Variants in CACNA2D3 observed in about 807,000 individuals in gnomAD.
CACNA2D3 encodes voltage-dependent calcium channel subunit alpha-2/delta-3.
Under a neutral mutation model 160.6 loss-of-function variants are expected in CACNA2D3, and 60 were observed. The ratio of observed to expected loss-of-function variants is 0.37; its 90% CI spans 0.30 to 0.46. The LOEUF (loss-of-function observed/expected upper bound fraction) is 0.46, where lower values mean the gene tolerates loss of function less well. Among genes scored for constraint, CACNA2D3 ranks in the 20% least tolerant of loss-of-function variants. The pLI is 1.00. For missense variants in CACNA2D3, 1,205 were observed against 1,365.0 expected (o/e 0.88, Z 1.85); for synonymous variants, 558 against 492.9 (o/e 1.13, Z -1.75).
At chr3:54,516,171 A>T (rs1701547815) in intron 5 of CACNA2D3, among the ~76,000 whole-genome samples, 1 of 152,198 alleles carries the variant, frequency 6.6e-6, no homozygotes, top group Admixed American at 6.5e-5. Context: ...GCCCTCTCTC[A>T]GGGATGTTCT....
intron 3 of CACNA2D3, among the ~76,000 whole-genome samples, chr3:54,345,187 A>G (rs1698434252): frequency 6.6e-6 from 1 of 152,156 alleles, no homozygotes; most frequent in Non-Finnish European, 1.5e-5. Context: ...GTAGTAATAA[A>G]CTTGCTTTCA....
At chr3:54,826,005 G>T (rs1703741221) in intron 14 of CACNA2D3, among the ~76,000 whole-genome samples, 2 of 152,022 alleles carry the variant, frequency 1.3e-5, no homozygotes, top group African/African-American at 2.4e-5. Flanking sequence ...AAATTTTTTT[G>T]ATACAATACA....
At chr3:54,903,161 A>C (rs1575542517) in intron 27 of CACNA2D3, among the ~76,000 whole-genome samples, 1 of 152,266 alleles carries the variant, frequency 6.6e-6, no homozygotes, top group East Asian at 1.9e-4. Context: ...ACAGGTATTA[A>C]GCCTGGTACC....
In CACNA2D3 at chr3:54,410,363, A is replaced by T. The variant is rs888164165; in HGVS notation, c.381+23589A>T. On this transcript the variant is annotated intron_variant, in intron 4 of 37. Coordinates refer to ENST00000474759, the MANE Select transcript of CACNA2D3 (RefSeq NM_018398.3). Reference sequence around the variant, plus strand: ...AGCAAGGCTCTGTCCCAGGAAAAAGAAAAAAAAAAGAGAGAGGAGAATTCA... The same window carrying T: ...AGCAAGGCTCTGTCCCAGGAAAAAGTAAAAAAAAAGAGAGAGGAGAATTCA... Among the ~76,000 whole-genome samples, 6 of 149,602 alleles carry T rather than the reference A, an allele frequency of 4.0e-5. 1 individual carries two copies. The highest frequency in any genetic ancestry group is 2.7e-4 in the Admixed American group (4 of 15,012).
intron 29 of CACNA2D3, among the ~76,000 whole-genome samples, chr3:54,976,651 T>A (rs1702398298): frequency 6.6e-6 from 1 of 152,202 alleles, no homozygotes; most frequent in East Asian, 1.9e-4. Context: ...TTAGTGACAG[T>A]CATGTTTTAT....
intron 21 of CACNA2D3, among the ~76,000 whole-genome samples, chr3:54,882,460 T>C (rs553045198): frequency 6.6e-6 from 1 of 152,318 alleles, no homozygotes; most frequent in South Asian, 2.1e-4. Context: ...TTTTGGATTC[T>C]TTTTCAGTCA....
In CACNA2D3 at chr3:54,303,818, G is replaced by GTTTTTTT. The variant is rs71617795; in HGVS notation, c.205-16610_205-16604dup. On this transcript the variant is annotated intron_variant, in intron 2 of 37. Coordinates refer to ENST00000474759, the MANE Select transcript of CACNA2D3 (RefSeq NM_018398.3). ...CAGCCTCATCAGTGACTTTTTTTCTGTTTTTTTTTTTTTTTTTTTTCTATT... is the reference window on the plus strand; with the variant it reads ...CAGCCTCATCAGTGACTTTTTTTCTGTTTTTTTTTTTTTTTTTTTTTTTTTTTCTATT... 4.4e-4 allele frequency among the ~76,000 whole-genome samples: 51 copies of GTTTTTTT among 115,004 alleles called. 1 individual carries two copies. Among genetic ancestry groups the GTTTTTTT allele is most frequent in the African/African-American group, 1.4e-3 (42 of 29,544 alleles). The allele number at this position is 115,004 out of a possible 152,430, so 75.4% of individuals were successfully genotyped here.
At chr3:54,468,623 T>A (rs938046183) in intron 4 of CACNA2D3, among the ~76,000 whole-genome samples, 1 of 152,066 alleles carries the variant, frequency 6.6e-6, no homozygotes, top group Non-Finnish European at 1.5e-5. Flanking sequence ...GGGAGCCAAG[T>A]GGTCTAGCTC....
At chr3:54,997,631 C>T (rs1702888023) in intron 31 of CACNA2D3, among the ~76,000 whole-genome samples, 1 of 149,334 alleles carries the variant, frequency 6.7e-6, no homozygotes, top group Non-Finnish European at 1.5e-5. Flanking sequence ...GAGGCTGAGG[C>T]AGGAGGATCG....
At chr3:54,573,250 T>C (rs1452749126) in intron 8 of CACNA2D3, among the ~76,000 whole-genome samples, 1 of 152,236 alleles carries the variant, frequency 6.6e-6, no homozygotes, top group Non-Finnish European at 1.5e-5. Flanking sequence ...ACTTTGTTCC[T>C]CTAATGGATA....
intron 28 of CACNA2D3, among the ~76,000 whole-genome samples, chr3:54,969,199 G>C (rs1702218746): frequency 6.7e-6 from 1 of 149,968 alleles, no homozygotes; most frequent in African/African-American, 2.5e-5. Context: ...TGTATTTTTA[G>C]TTACCAAAAG....
intron 4 of CACNA2D3, among the ~76,000 whole-genome samples, chr3:54,434,480 G>C (rs1474735892): frequency 6.6e-6 from 1 of 152,246 alleles, no homozygotes; most frequent in African/African-American, 2.4e-5. Context: ...GCATCAGTGA[G>C]ACTCATCAAG....
rs9819670 is a variant in CACNA2D3, at chr3:54,146,766, C to T, written c.204+23172C>T. On this transcript the variant is annotated intron_variant, in intron 2 of 37. Transcript: ENST00000474759. Reference sequence around the variant, plus strand: ...TCTGCGGGGTGTCACCGTTAGGGCCCCTCCATCCCCGTTGGCTCCTGGGCC... The same window carrying T: ...TCTGCGGGGTGTCACCGTTAGGGCCTCTCCATCCCCGTTGGCTCCTGGGCC... Among the ~76,000 whole-genome samples, 1,394 of 152,316 alleles carry T rather than the reference C, an allele frequency of 9.2e-3. 24 individuals are homozygous for T. Among genetic ancestry groups the T allele is most frequent in the African/African-American group, 0.031 (1,307 of 41,576 alleles).
intron 13 of CACNA2D3, among the ~76,000 whole-genome samples, chr3:54,782,384 T>G (rs1421631810): frequency 6.6e-6 from 1 of 152,184 alleles, no homozygotes; most frequent in Non-Finnish European, 1.5e-5. Context: ...AAACATAATA[T>G]TGTTTAGCAC....
intron 2 of CACNA2D3, among the ~76,000 whole-genome samples, chr3:54,176,487 C>G (rs982419921): frequency 6.6e-6 from 1 of 152,136 alleles, no homozygotes; most frequent in Admixed American, 6.5e-5. Context: ...CCAATTTGTG[C>G]ATTTTATAAT....
chr3:54,372,804 C>T (rs1050650876), intron 3 of CACNA2D3, among the ~76,000 whole-genome samples: 1 of 152,178 alleles, frequency 6.6e-6, no homozygotes, highest in African/African-American at 2.4e-5. Flanking sequence ...ACGGGAGAGC[C>T]AGCTTATCCT....
At chr3:54,354,847 C>G (rs114507393) in intron 3 of CACNA2D3, among the ~76,000 whole-genome samples, 1 of 152,148 alleles carries the variant, frequency 6.6e-6, no homozygotes, top group Non-Finnish European at 1.5e-5. Context: ...TGTAAGCCAA[C>G]GACTGCAGCT....
chr3:54,962,972 T>C (rs1278236357), intron 27 of CACNA2D3, among the ~76,000 whole-genome samples: 1 of 152,246 alleles, frequency 6.6e-6, no homozygotes, highest in East Asian at 1.9e-4. Flanking sequence ...TTATTTCTAA[T>C]TTTATATTTT....
chr3:54,954,334 TG>T (rs892592589), intron 27 of CACNA2D3, among the ~76,000 whole-genome samples: 9 of 152,190 alleles, frequency 5.9e-5, no homozygotes, highest in African/African-American at 2.2e-4. Flanking sequence ...CTGTGGCCTC[TG>T]GGAGGCTGTC....
Sources: gnomAD v4.1 joint callset for allele counts (sites outside exome capture counted in the v4.1 genomes callset) on GRCh38, gnomAD v4.1.1 for gene constraint, MANE v1.5 for transcripts, NCBI Gene and HGNC (gene_info 2026-07-23, HGNC 2026-07-21) for gene names.